SSH1: variants seen among roughly 807,000 people sequenced by gnomAD.
The protein encoded by SSH1 is slingshot protein phosphatase 1, also known as protein phosphatase Slingshot homolog 1.
Under a neutral mutation model 79.7 loss-of-function variants are expected in SSH1, and 43 were observed. The observed-to-expected ratio is 0.54, with a 90% confidence interval of 0.42 to 0.70. SSH1 has a LOEUF of 0.70. SSH1 is among the 30% of genes least tolerant of loss of function. The pLI, the probability that SSH1 is intolerant of heterozygous loss-of-function variation, is 0.00. For missense variants in SSH1, 1,206 were observed against 1,358.8 expected (o/e 0.89, Z 1.77); for synonymous variants, 599 against 538.3 (o/e 1.11, Z -1.56).
intron 10 of SSH1, among the ~76,000 whole-genome samples, chr12:108,803,364 G>GA (rs34525403): frequency 0.33 from 47,717 of 144,492 alleles, 7,838 homozygotes; most frequent in South Asian, 0.43. Context: ...TGGAACGGGG[G>GA]AAAAAAAAAA....
At chr12:108,803,544 G>T (rs1016710779) in intron 10 of SSH1, among the ~76,000 whole-genome samples, 1 of 152,166 alleles carries the variant, frequency 6.6e-6, no homozygotes, top group African/African-American at 2.4e-5. Context: ...GGCAATGTGC[G>T]ACACTAGCTG....
At chr12:108,811,133 T>G in intron 6 of SSH1, 127 bp downstream of exon 6, 1 of 883,014 alleles carries the variant, frequency 1.1e-6, no homozygotes, top group Non-Finnish European at 1.9e-6. Context: ...ATATGATTTC[T>G]CCCGCTGTGA....
chr12:108,831,384 C>T (rs370918478), intron 2 of SSH1, among the ~76,000 whole-genome samples: 4 of 152,176 alleles, frequency 2.6e-5, no homozygotes, highest in East Asian at 1.9e-4. Context: ...TCTGTTAATT[C>T]GGTTTCGATC....
Position 108,787,962 on chromosome 12 carries a change from C to T in SSH1, c.*26G>A, listed in dbSNP as rs1475111849. ...GGGAGGGATCATATGAAAATATCCG[C>T]CCAGCCTGACGCAGCAAAAGGCGGG... On this transcript the variant is annotated 3_prime_UTR_variant, in exon 15 of 15. Transcript: ENST00000326495. The T allele has an allele frequency of 1.9e-6, 3 of 1,614,054 alleles. No homozygotes were observed. Among genetic ancestry groups the T allele is most frequent in the Admixed American group, 3.3e-5 (2 of 60,024 alleles).
chr12:108,827,659 G>T, intron 2 of SSH1: 1 of 893,848 alleles, frequency 1.1e-6, no homozygotes, highest in Non-Finnish European at 1.4e-6. Flanking sequence ...GGAGAAACAA[G>T]CACCGGGGTG....
intron 10 of SSH1, 102 bp downstream of exon 10, chr12:108,804,953 GT>G: frequency 6.7e-7 from 1 of 1,502,486 alleles, no homozygotes; most frequent in Non-Finnish European, 9.1e-7. Flanking sequence ...GGCAACTCAA[GT>G]TTTTTGCCTG....
intron 1 of SSH1, among the ~76,000 whole-genome samples, chr12:108,854,536 G>C (rs1405756410): frequency 6.6e-6 from 1 of 152,178 alleles, no homozygotes; most frequent in East Asian, 1.9e-4. Flanking sequence ...TTAGGACTGA[G>C]GGCTGTGATC....
At chr12:108,826,729 G>C (rs977338572) in intron 2 of SSH1, among the ~76,000 whole-genome samples, 24 of 152,192 alleles carry the variant, frequency 1.6e-4, no homozygotes, top group African/African-American at 5.1e-4. Flanking sequence ...GATGCCCAGA[G>C]GCACAGGCTC....
At chr12:108,852,327 C>T (rs1053027529) in intron 2 of SSH1, among the ~76,000 whole-genome samples, 4 of 151,046 alleles carry the variant, frequency 2.6e-5, no homozygotes, top group African/African-American at 7.3e-5. Context: ...CTCCCGGGTT[C>T]AAGCGATTCC....
intron 2 of SSH1, among the ~76,000 whole-genome samples, chr12:108,849,188 C>T (rs919322334): frequency 2.6e-5 from 4 of 152,208 alleles, no homozygotes; most frequent in African/African-American, 9.7e-5. Flanking sequence ...GCTGCCAAAG[C>T]TTTATTTCCC....
In SSH1 at chr12:108,790,788, C is replaced by T. The variant is rs140057105; in HGVS notation, c.1893+1498G>A. Among the ~76,000 whole-genome samples, 914 of 152,272 alleles carry T rather than the reference C, an allele frequency of 6.0e-3. 6 individuals carry two copies. Among genetic ancestry groups the T allele is most frequent in the Non-Finnish European group, 9.3e-3 (632 of 68,020 alleles). On this transcript the variant is annotated intron_variant, in intron 14 of 14. Transcript: ENST00000326495. The stretch of plus-strand genomic sequence containing the variant: ...GCATCTGTCAGGACCCCAAGTGCCC[C>T]CACTTGAGAACCACGGCTGTCCTGT...
chr12:108,788,537 C>T lies in SSH1; in HGVS notation c.2601G>A (p.Glu867=). 1.9e-6 allele frequency: 3 copies of T among 1,570,858 alleles called. No homozygotes were observed. The highest frequency in any genetic ancestry group is 2.6e-6 in the Non-Finnish European group (3 of 1,158,312). The change falls in exon 15 of 15, where the codon GAG becomes GAA. Residue 867 remains glutamate (E), a synonymous_variant. Transcript: ENST00000326495. The part of the protein sequence containing the change: ...EESQDPAALH[E]LGPLVMPSQA... ...GGCTGGGCATAACCAGGGGGCCCAG[C>T]TCGTGGAGCGCGGCTGGATCCTGGC...
chr12:108,811,332 C>T lies in SSH1; in HGVS notation c.402-4G>A, dbSNP rs762579754. 20 of 1,614,002 alleles carry T rather than the reference C, an allele frequency of 1.2e-5. No homozygotes were observed. The Admixed American group carries it at 1.8e-4, about 15-fold the overall frequency. On this transcript the variant is annotated splice_polypyrimidine_tract_variant and splice_region_variant and intron_variant, in intron 5 of 14. Coordinates refer to ENST00000326495, the MANE Select transcript of SSH1 (RefSeq NM_018984.4). ...CATCCCAATGGTGCAGCTTTTACTG[C>T]GATGGGGGAGAGAAGACATGTGGAG... is the stretch of plus-strand genomic sequence containing the variant.
chr12:108,827,632 G>A (rs952133045), intron 2 of SSH1: 8 of 1,103,462 alleles, frequency 7.2e-6, no homozygotes, highest in Admixed American at 4.4e-5. Context: ...GCACTCCTAC[G>A]GGCTTTTCTG....
chr12:108,825,613 C>T (rs2038281717), intron 2 of SSH1, among the ~76,000 whole-genome samples: 1 of 152,238 alleles, frequency 6.6e-6, no homozygotes, highest in Non-Finnish European at 1.5e-5. Flanking sequence ...GACACCAATA[C>T]TTGACATCTA....
chr12:108,817,134 G>A lies in SSH1; in HGVS notation c.305C>T (p.Ala102Val), dbSNP rs771347690. The A allele has an allele frequency of 2.9e-5, 46 of 1,613,894 alleles. No homozygotes were observed. Among genetic ancestry groups the A allele is most frequent in the Non-Finnish European group, 3.5e-5 (41 of 1,180,002 alleles). Residue 102 changes from alanine to valine, a missense_variant, in exon 5 of 15, where the codon GCG becomes GTG. Coordinates refer to ENST00000326495, the MANE Select transcript of SSH1 (RefSeq NM_018984.4). Reference sequence around the variant, plus strand: ...CACCACCATGTACCGGACCCGGTCCGCCCAGGCGCTCTCCAGGCGCACTGC... The same window carrying A: ...CACCACCATGTACCGGACCCGGTCCACCCAGGCGCTCTCCAGGCGCACTGC... Reference protein sequence around the residue: ...KLAVRLESAWADRVRYMVVVY... With the variant: ...KLAVRLESAWVDRVRYMVVVY...
Position 108,802,367 on chromosome 12 carries a change from C to T in SSH1, c.956G>A (p.Gly319Asp). The T allele has an allele frequency of 1.9e-6, 3 of 1,614,028 alleles. No individual in the cohort carries two copies. Among genetic ancestry groups the T allele is most frequent in the Non-Finnish European group, 2.5e-6 (3 of 1,179,960 alleles). The change falls in exon 11 of 15, where the codon GGC (glycine) becomes GAC (aspartate). Residue 319 changes from glycine (G) to aspartate (D), a missense_variant and splice_region_variant. This residue lies in a region of SSH1 where 166 missense variants were observed against 262.9 expected (regional missense o/e 0.63). Transcript: ENST00000326495. Reference sequence around the variant, plus strand: ...CAGATTGGATGCATTCCATTCAGAGCCCTGGGAGACAGATCACACAAGCTC... The same window carrying T: ...CAGATTGGATGCATTCCATTCAGAGTCCTGGGAGACAGATCACACAAGCTC... ...PSLIFDHLYLGSEWNASNLEE... is the reference protein window; with the variant it reads ...PSLIFDHLYLDSEWNASNLEE...
chr12:108,844,851 G>A (rs139142849), intron 2 of SSH1, among the ~76,000 whole-genome samples: 31 of 152,358 alleles, frequency 2.0e-4, no homozygotes, highest in African/African-American at 7.5e-4. Flanking sequence ...GCTCACGCCT[G>A]TAATCCCAGC....
At chr12:108,817,606 G>T (rs905317773) in intron 4 of SSH1, among the ~76,000 whole-genome samples, 1 of 151,374 alleles carries the variant, frequency 6.6e-6, no homozygotes, top group African/African-American at 2.5e-5. Context: ...ACACAAAGCG[G>T]AAGTTCTTGA....
Sources: gnomAD v4.1 joint callset for allele counts (sites outside exome capture counted in the v4.1 genomes callset) on GRCh38, gnomAD v4.1.1 for gene constraint, gnomAD v4.1.1 regional missense constraint, MANE v1.5 for transcripts, NCBI Gene and HGNC (gene_info 2026-07-23, HGNC 2026-07-21) for gene names.